The following PCCA variants were observed in gnomAD, a reference collection of about 807,000 sequenced individuals.
PCCA encodes propionyl-CoA carboxylase subunit alpha.
PCCA carries 74 observed loss-of-function variants against 101.3 expected under a neutral mutation model. The ratio of observed to expected loss-of-function variants is 0.73; its 90% CI spans 0.61 to 0.89. The LOEUF is 0.89. Among genes scored for constraint, PCCA ranks in the 40% least tolerant of loss-of-function variants. The pLI, the probability that PCCA is intolerant of heterozygous loss-of-function variation, is 0.00. For synonymous variants in PCCA, 294 were observed against 313.6 expected (o/e 0.94, Z 0.66); for missense variants, 891 against 907.0 (o/e 0.98, Z 0.23).
At chr13:100,165,416 C>G (rs1487501691) in intron 6 of PCCA, among the ~76,000 whole-genome samples, 1 of 152,134 alleles carries the variant, frequency 6.6e-6, no homozygotes, top group Non-Finnish European at 1.5e-5. Flanking sequence ...TTGACAGTAT[C>G]TTCCTAACCA....
chr13:100,138,484 C>T (rs1013103464), intron 4 of PCCA, among the ~76,000 whole-genome samples: 3 of 152,170 alleles, frequency 2.0e-5, no homozygotes, highest in African/African-American at 4.8e-5. Context: ...AACAGTTAAA[C>T]GTATTTCAAA....
At chr13:100,484,791 T>C (rs6491566) in intron 21 of PCCA, among the ~76,000 whole-genome samples, 99,554 of 152,056 alleles carry the variant, frequency 0.65, 34,212 homozygotes, top group East Asian at 0.85. Context: ...GCCAGTCACC[T>C]GGGCAGCTGC....
At chr13:100,411,721 A>G (rs772351436) in intron 19 of PCCA, among the ~76,000 whole-genome samples, 4 of 152,176 alleles carry the variant, frequency 2.6e-5, no homozygotes, top group Non-Finnish European at 4.4e-5. Flanking sequence ...GCAGATGGCC[A>G]TCTTTCTTGC....
chr13:100,181,914 G>A (rs1323603776), intron 6 of PCCA, among the ~76,000 whole-genome samples: 4 of 140,594 alleles, frequency 2.8e-5, no homozygotes, highest in East Asian at 4.3e-4. Context: ...ACAGGCACGC[G>A]CCACCACACC....
At chr13:100,320,589 G>GT (rs1193723295) in intron 16 of PCCA, among the ~76,000 whole-genome samples, 11 of 152,112 alleles carry the variant, frequency 7.2e-5, no homozygotes, top group Non-Finnish European at 1.5e-4. Flanking sequence ...TAATCATGTG[G>GT]TTTTTGTCTT....
intron 22 of PCCA, among the ~76,000 whole-genome samples, chr13:100,518,577 A>C (rs966799000): frequency 2.0e-5 from 3 of 152,214 alleles, no homozygotes; most frequent in African/African-American, 7.2e-5. Flanking sequence ...TCACATTTTA[A>C]ATGATTGTGT....
chr13:100,138,934 C>CAAAAAAAAAAA (rs34466523), intron 4 of PCCA, among the ~76,000 whole-genome samples: 1 of 83,112 alleles, frequency 1.2e-5, no homozygotes, highest in African/African-American at 4.7e-5. Flanking sequence ...AACTCCATCT[C>CAAAAAAAAAAA]AAAAAAAAAA....
chr13:100,392,743 A>G (rs1389662245), intron 19 of PCCA, among the ~76,000 whole-genome samples: 1 of 152,248 alleles, frequency 6.6e-6, no homozygotes, highest in Non-Finnish European at 1.5e-5. Flanking sequence ...CATTGTGTGA[A>G]TAACTGATAA....
At position 100,244,914 on chromosome 13, in the gene PCCA, C is replaced by T. The variant is rs573625751; in HGVS notation, c.637+9036C>T. On this transcript the variant is annotated intron_variant, in intron 8 of 23. Transcript: ENST00000376285. ...TAGTTATTTGTATATATGTGTATGA[C>T]AGACTGAGGAAAGGCTGTGTGTGTG... Among the ~76,000 whole-genome samples the T allele has an allele frequency of 2.0e-4, 29 of 143,582 alleles. No individual in the cohort carries two copies. In the South Asian group the frequency reaches 5.1e-3, roughly 25 times the overall value. 94.2% of individuals were successfully genotyped at this position (143,582 alleles called of 152,430 possible). A position where few individuals can be genotyped will look rare whatever the true frequency, so the allele number is the denominator to read the frequency against.
intron 8 of PCCA, chr13:100,237,320 CA>C (rs1448754390): frequency 6.6e-6 from 1 of 152,114 alleles, no homozygotes; most frequent in Admixed American, 6.5e-5. Context: ...GTTTGCTTTG[CA>C]AAAATCTATC....
rs905210142 is a variant in PCCA at position 100,314,098 on chromosome 13, G to A, written c.1429+4190G>A. Among the ~76,000 whole-genome samples, 4 of 152,130 alleles carry A rather than the reference G, an allele frequency of 2.6e-5. 1 individual carries two copies. The highest frequency in any genetic ancestry group is 7.2e-5 in the African/African-American group (3 of 41,408). On this transcript the variant is annotated intron_variant, in intron 16 of 23. Transcript: ENST00000376285. ...ATGTGGCACATTCTAGATAGAAAGTGTTAACGTTGGTTCACTAAAGGCACT... is the reference window on the plus strand; with the variant it reads ...ATGTGGCACATTCTAGATAGAAAGTATTAACGTTGGTTCACTAAAGGCACT...
intron 19 of PCCA, among the ~76,000 whole-genome samples, chr13:100,378,925 T>C (rs536389115): frequency 2.0e-5 from 3 of 152,186 alleles, no homozygotes; most frequent in Non-Finnish European, 4.4e-5. Flanking sequence ...GGAATGTGAA[T>C]TTCTTTTGGA....
At chr13:100,153,369 TC>T (rs373428588) in intron 4 of PCCA, among the ~76,000 whole-genome samples, 377 of 152,320 alleles carry the variant, frequency 2.5e-3, no homozygotes, top group Non-Finnish European at 4.2e-3. Flanking sequence ...AGGAGATTCA[TC>T]CTAAATTGAA....
intron 21 of PCCA, among the ~76,000 whole-genome samples, chr13:100,471,368 T>G (rs190055932): frequency 7.7e-4 from 117 of 152,328 alleles, no homozygotes; most frequent in African/African-American, 2.6e-3. Flanking sequence ...ATGGGTTTCC[T>G]AATAATGCAG....
chr13:100,280,733 A>G (rs2064037598), intron 12 of PCCA, among the ~76,000 whole-genome samples: 1 of 152,194 alleles, frequency 6.6e-6, no homozygotes, highest in South Asian at 2.1e-4. Flanking sequence ...TTCATTTCAA[A>G]TATATTAAAT....
At chr13:100,122,870 C>T (rs1648709121) in intron 4 of PCCA, among the ~76,000 whole-genome samples, 1 of 152,126 alleles carries the variant, frequency 6.6e-6, no homozygotes, top group Non-Finnish European at 1.5e-5. Context: ...GTGGAGCCTT[C>T]TTGCTGTGTC....
intron 14 of PCCA, among the ~76,000 whole-genome samples, chr13:100,304,513 A>G (rs2066308952): frequency 6.6e-6 from 1 of 152,172 alleles, no homozygotes; most frequent in Non-Finnish European, 1.5e-5. Context: ...GCATTTAATC[A>G]GATTGGGCTG....
At chr13:100,515,928 G>A (rs780867232) in intron 22 of PCCA, among the ~76,000 whole-genome samples, 6 of 152,218 alleles carry the variant, frequency 3.9e-5, no homozygotes, top group Non-Finnish European at 5.9e-5. Flanking sequence ...ATAATACTCC[G>A]ATGAGGAACT....
At chr13:100,119,505 A>T (rs2049152392) in intron 4 of PCCA, among the ~76,000 whole-genome samples, 2 of 152,200 alleles carry the variant, frequency 1.3e-5, no homozygotes, top group Non-Finnish European at 2.9e-5. Flanking sequence ...AAAGATTGTC[A>T]AATTTTGAAG....
Sources: gnomAD v4.1 joint callset for allele counts (sites outside exome capture counted in the v4.1 genomes callset) on GRCh38, gnomAD v4.1.1 for gene constraint, MANE v1.5 for transcripts, NCBI Gene and HGNC (gene_info 2026-07-23, HGNC 2026-07-21) for gene names.